DLG2: variants seen among roughly 807,000 people sequenced by gnomAD.
DLG2 encodes the protein disks large homolog 2.
In DLG2, 45 loss-of-function variants were observed where a neutral mutation model predicts 132.5. That is an observed-to-expected ratio of 0.34 (90% CI 0.27 to 0.44). DLG2 has a LOEUF of 0.44. Among genes scored for constraint, DLG2 ranks in the 20% least tolerant of loss-of-function variants. DLG2 has a pLI of 1.00. For missense variants in DLG2, 1,045 were observed against 1,196.9 expected (o/e 0.87, Z 1.87); for synonymous variants, 424 against 419.6 (o/e 1.01, Z -0.13).
chr11:84,521,921 G>A (rs2099302735), intron 7 of DLG2, among the ~76,000 whole-genome samples: 2 of 152,152 alleles, frequency 1.3e-5, no homozygotes, highest in African/African-American at 4.8e-5. Flanking sequence ...AGCACTTTGG[G>A]AGGCCAAGGT....
At chr11:83,486,732 A>G (rs1375201553) in intron 21 of DLG2, among the ~76,000 whole-genome samples, 1 of 152,066 alleles carries the variant, frequency 6.6e-6, no homozygotes, top group Non-Finnish European at 1.5e-5. Context: ...AGCAAAAGCC[A>G]TTTCAGATTG....
chr11:85,154,943 G>T (rs1238636536), intron 4 of DLG2, among the ~76,000 whole-genome samples: 1 of 152,198 alleles, frequency 6.6e-6, no homozygotes, highest in Non-Finnish European at 1.5e-5. Context: ...GGTTAAAGCT[G>T]AGCATGGTTA....
At chr11:84,257,393 C>T (rs1420348145) in intron 7 of DLG2, among the ~76,000 whole-genome samples, 1 of 152,076 alleles carries the variant, frequency 6.6e-6, no homozygotes, top group African/African-American at 2.4e-5. Flanking sequence ...TATGACCCTG[C>T]CACACCTAAA....
intron 3 of DLG2, among the ~76,000 whole-genome samples, chr11:85,427,688 A>T (rs866962084): frequency 1.3e-4 from 20 of 152,248 alleles, no homozygotes; most frequent in Non-Finnish European, 1.5e-5. Context: ...AATGGTAAAG[A>T]TCACCAATGC....
intron 9 of DLG2, among the ~76,000 whole-genome samples, chr11:84,103,622 C>T (rs566908104): frequency 1.3e-3 from 205 of 152,214 alleles, no homozygotes; most frequent in African/African-American, 4.7e-3. Flanking sequence ...TATTTGCTGA[C>T]TCTTCCCCAC....
At chr11:84,350,106 A>T (rs1167320720) in intron 7 of DLG2, among the ~76,000 whole-genome samples, 1 of 145,788 alleles carries the variant, frequency 6.9e-6, no homozygotes, top group Admixed American at 7.1e-5. Context: ...TGAACCCGGG[A>T]GGCGGAGCTT....
chr11:84,631,968 G>A (rs185637651), intron 6 of DLG2, among the ~76,000 whole-genome samples: 144 of 152,240 alleles, frequency 9.5e-4, no homozygotes, highest in African/African-American at 3.2e-3. Flanking sequence ...ATAAAAGGAT[G>A]AGAAGTCCCT....
chr11:85,378,221 T>C (rs952350070), intron 3 of DLG2, among the ~76,000 whole-genome samples: 1 of 152,176 alleles, frequency 6.6e-6, no homozygotes, highest in Non-Finnish European at 1.5e-5. Context: ...AATTTTCACA[T>C]CTTGAACATA....
At chr11:85,098,007 T>C (rs187850742) in intron 6 of DLG2, among the ~76,000 whole-genome samples, 130 of 152,316 alleles carry the variant, frequency 8.5e-4, no homozygotes, top group African/African-American at 3.1e-3. Context: ...AAATAAGCTC[T>C]CAGAATAAGT....
intron 3 of DLG2, among the ~76,000 whole-genome samples, chr11:85,510,220 C>T (rs930711388): frequency 2.0e-5 from 3 of 151,760 alleles, no homozygotes; most frequent in Non-Finnish European, 2.9e-5. Context: ...AAGAATCATA[C>T]AATATGAGAG....
At chr11:84,197,126 G>A (rs2096532594) in intron 8 of DLG2, among the ~76,000 whole-genome samples, 1 of 145,764 alleles carries the variant, frequency 6.9e-6, no homozygotes, top group Non-Finnish European at 1.5e-5. Context: ...TTTTTAAATA[G>A]AAGGCTTTGA....
chr11:83,621,946 G>C (rs1489910469), intron 19 of DLG2, among the ~76,000 whole-genome samples: 2 of 152,074 alleles, frequency 1.3e-5, no homozygotes. Context: ...ACAGAGTCTT[G>C]CTCTGTCACC....
chr11:83,759,037 G>C, intron 18 of DLG2, among the ~76,000 whole-genome samples: 1 of 152,150 alleles, frequency 6.6e-6, no homozygotes, highest in African/African-American at 2.4e-5. Flanking sequence ...AATCAATGAA[G>C]AGATATACAT....
At chr11:83,874,610 A>C in intron 15 of DLG2, 122 bp from the exon 16 acceptor site, 2 of 584,004 alleles carry the variant, frequency 3.4e-6, no homozygotes, top group Middle Eastern at 5.2e-4. Context: ...ATATGTATAC[A>C]TGTGCCATGT....
intron 6 of DLG2, among the ~76,000 whole-genome samples, chr11:84,628,062 C>T (rs1357218492): frequency 6.6e-6 from 1 of 151,688 alleles, no homozygotes; most frequent in African/African-American, 2.4e-5. Flanking sequence ...TCAAATGTCT[C>T]TTCTGAAAAA....
At chr11:84,742,617 T>C (rs181354829) in intron 6 of DLG2, among the ~76,000 whole-genome samples, 1 of 152,198 alleles carries the variant, frequency 6.6e-6, no homozygotes, top group Admixed American at 6.5e-5. Flanking sequence ...GAATGTTATA[T>C]TTGCTACAAC....
At chr11:85,363,571 C>T (rs906407126) in intron 3 of DLG2, among the ~76,000 whole-genome samples, 8 of 152,188 alleles carry the variant, frequency 5.3e-5, no homozygotes, top group Admixed American at 3.9e-4. Context: ...ATTAGCAGTG[C>T]CTAACATGTT....
chr11:84,296,898 T>C (rs956877449), intron 7 of DLG2, among the ~76,000 whole-genome samples: 8 of 152,142 alleles, frequency 5.3e-5, no homozygotes, highest in Non-Finnish European at 1.2e-4. Context: ...ATCCACTGTA[T>C]TTAAATAAGA....
chr11:85,459,225 T>A (rs1053612107), intron 3 of DLG2, among the ~76,000 whole-genome samples: 4 of 152,118 alleles, frequency 2.6e-5, no homozygotes, highest in Admixed American at 2.6e-4. Context: ...TTGGTTGACT[T>A]CAGGAGCTCT....
Sources: gnomAD v4.1 joint callset for allele counts (sites outside exome capture counted in the v4.1 genomes callset) on GRCh38, gnomAD v4.1.1 for gene constraint, MANE v1.5 for transcripts, NCBI Gene and HGNC (gene_info 2026-07-23, HGNC 2026-07-21) for gene names.